The following VEPH1 variants were observed in gnomAD, a reference collection of about 807,000 sequenced individuals.
VEPH1 encodes the protein ventricular zone-expressed PH domain-containing protein homolog 1.
Under a neutral mutation model 85.2 loss-of-function variants are expected in VEPH1, and 80 were observed. The observed-to-expected ratio is 0.94, with a 90% CI of 0.78 to 1.13. VEPH1 has a LOEUF of 1.13. Ranked by LOEUF, VEPH1 falls within the 50% of genes most tolerant of loss-of-function variation. The probability of loss-of-function intolerance (pLI) is 0.00; values close to 1 mark genes in which losing one functional copy is unlikely to be tolerated. For synonymous variants in VEPH1, 297 were observed against 348.0 expected, an observed-to-expected ratio of 0.85 and a Z score of 1.63; for missense variants, 955 against 980.5, an observed-to-expected ratio of 0.97 and a Z score of 0.35.
intron 5 of VEPH1, among the ~76,000 whole-genome samples, chr3:157,419,510 A>T (rs1732172252): frequency 6.6e-6 from 1 of 152,228 alleles, no homozygotes; most frequent in African/African-American, 2.4e-5. Context: ...AAGTGGGCAA[A>T]GAACGTGAAT....
At position 157,462,059 on chromosome 3, in the gene VEPH1, T is replaced by C. The variant is rs1262884239; in HGVS notation, c.355-1704A>G. Among the ~76,000 whole-genome samples, 6 of 147,918 alleles carry C rather than the reference T, an allele frequency of 4.1e-5. 1 individual carries two copies. Among genetic ancestry groups the C allele is most frequent in the Non-Finnish European group, 6.0e-5 (4 of 67,098 alleles). ...AAATGTATTTTATATATATAATATA[T>C]ATTATAAATATAAAAGTATTATTTA... is the stretch of plus-strand genomic sequence containing the variant. On this transcript the variant is annotated intron_variant, in intron 3 of 13. Coordinates refer to ENST00000362010, the MANE Select transcript of VEPH1 (RefSeq NM_001167912.2).
intron 3 of VEPH1, among the ~76,000 whole-genome samples, chr3:157,462,437 G>A (rs1735968299): frequency 2.0e-5 from 3 of 152,136 alleles, no homozygotes; most frequent in Admixed American, 1.3e-4. Context: ...GTTCTACGAA[G>A]GACAACGACA....
intron 6 of VEPH1, among the ~76,000 whole-genome samples, chr3:157,398,898 C>T (rs981203110): frequency 1.3e-5 from 2 of 152,046 alleles, no homozygotes; most frequent in Non-Finnish European, 2.9e-5. Flanking sequence ...TCAGGTCACT[C>T]AACAAATGGG....
At chr3:157,322,950 G>A (rs1721512438) in intron 9 of VEPH1, among the ~76,000 whole-genome samples, 1 of 152,274 alleles carries the variant, frequency 6.6e-6, no homozygotes, top group South Asian at 2.1e-4. Context: ...AATAAAGTAT[G>A]TTTTTGAAGT....
intron 5 of VEPH1, among the ~76,000 whole-genome samples, chr3:157,424,226 A>C (rs181639463): frequency 4.1e-4 from 63 of 152,284 alleles, no homozygotes; most frequent in South Asian, 1.0e-3. Flanking sequence ...ATTTTCTCTT[A>C]CTGCCACCAT....
intron 9 of VEPH1, among the ~76,000 whole-genome samples, chr3:157,320,443 A>G (rs1027300585): frequency 1.3e-5 from 2 of 152,184 alleles, no homozygotes; most frequent in African/African-American, 4.8e-5. Flanking sequence ...AAGCAATCAC[A>G]TAAACATAAA....
rs150253756 is a variant in VEPH1, at chr3:157,481,640, T to C, written c.139-11111A>G. On this transcript the variant is annotated intron_variant, in intron 2 of 13. Coordinates refer to ENST00000362010, the MANE Select transcript of VEPH1 (RefSeq NM_001167912.2). Reference sequence around the variant, plus strand: ...CCCACTTGTCAATTTTTGTTTTTGTTGCAATTGTGGTTGAGGACTTAGTCA... The same window carrying C: ...CCCACTTGTCAATTTTTGTTTTTGTCGCAATTGTGGTTGAGGACTTAGTCA... Among the ~76,000 whole-genome samples, 327 of 152,258 alleles carry C rather than the reference T, an allele frequency of 2.1e-3. 2 individuals carry two copies. Among genetic ancestry groups the C allele is most frequent in the African/African-American group, 7.5e-3 (312 of 41,546 alleles).
chr3:157,490,612 A>T (rs897893183), intron 2 of VEPH1, among the ~76,000 whole-genome samples: 1 of 152,162 alleles, frequency 6.6e-6, no homozygotes, highest in Non-Finnish European at 1.5e-5. Flanking sequence ...AAAATCTGAT[A>T]AAAGCAAGCA....
chr3:157,462,069 A>G (rs534129317), intron 3 of VEPH1, among the ~76,000 whole-genome samples: 109 of 147,980 alleles, frequency 7.4e-4, no homozygotes, highest in African/African-American at 2.6e-3. Context: ...TATTATAAAT[A>G]TAAAAGTATT....
intron 2 of VEPH1, chr3:157,493,327 G>A (rs1306326250): frequency 2.2e-6 from 1 of 455,766 alleles, no homozygotes; most frequent in Non-Finnish European, 4.4e-6. Flanking sequence ...ATTGATTACT[G>A]AGATCCAAGG....
At chr3:157,495,788 T>A (rs1241934244) in intron 1 of VEPH1, among the ~76,000 whole-genome samples, 1 of 152,216 alleles carries the variant, frequency 6.6e-6, no homozygotes, top group African/African-American at 2.4e-5. Context: ...CTTCTCTCCA[T>A]GTCACAAGGA....
chr3:157,373,486 T>C (rs981468414), intron 7 of VEPH1, among the ~76,000 whole-genome samples: 3 of 152,160 alleles, frequency 2.0e-5, no homozygotes, highest in African/African-American at 4.8e-5. Flanking sequence ...GAAAATGTCA[T>C]GCAAATGGCA....
rs142479996 is a variant in VEPH1 at position 157,260,651 on chromosome 3, T to C, written c.*483A>G. The C allele has an allele frequency of 1.0e-3, 155 of 152,662 alleles. 4 individuals carry two copies. In the South Asian group the frequency reaches 0.03, roughly 29 times the overall value. The allele number at this position is 152,662 out of a possible 1,614,324, so 9.5% of individuals were successfully genotyped here. A position where few individuals can be genotyped will look rare whatever the true frequency, so the allele number is the denominator to read the frequency against. ...ATTATATGTCTATAAGTAAGTTATA[T>C]GGTTTTTCTCAGTGTACATTAGTTC... On this transcript the variant is annotated 3_prime_UTR_variant, in exon 14 of 14. Transcript: ENST00000362010.
At chr3:157,261,398 G>C (rs1323390860) in intron 13 of VEPH1, 28 bp from the exon 14 acceptor site, 12 of 1,609,970 alleles carry the variant, frequency 7.5e-6, no homozygotes, top group Non-Finnish European at 1.0e-5. Flanking sequence ...AAAAGAACAT[G>C]GGCTGGCTGT....
At chr3:157,356,499 A>G (rs1725446973) in intron 9 of VEPH1, among the ~76,000 whole-genome samples, 1 of 152,224 alleles carries the variant, frequency 6.6e-6, no homozygotes, top group South Asian at 2.1e-4. Flanking sequence ...TTGGAAAAAT[A>G]TTTAAAAATC....
In VEPH1 at chr3:157,489,053, A is replaced by G. The variant is rs939561948; in HGVS notation, c.138+6159T>C. The G allele has an allele frequency of 4.0e-5, 18 of 452,040 alleles. 1 individual carries two copies. In the East Asian group the frequency reaches 1.1e-3, roughly 27 times the overall value. The allele number at this position is 452,040 out of a possible 1,614,324, so 28.0% of individuals were successfully genotyped here. ...TACATCCAGGATCATCTGAACACTT[A>G]CCACCACCACTGCTCCATGATGGTC... On this transcript the variant is annotated intron_variant, in intron 2 of 13. Coordinates refer to ENST00000362010, the MANE Select transcript of VEPH1 (RefSeq NM_001167912.2).
chr3:157,443,929 C>A (rs1009702131), intron 4 of VEPH1, among the ~76,000 whole-genome samples: 2 of 152,128 alleles, frequency 1.3e-5, no homozygotes, highest in African/African-American at 4.8e-5. Context: ...AAACAAACAC[C>A]AAACATGAAT....
At chr3:157,378,007 G>A (rs1409288036) in intron 7 of VEPH1, among the ~76,000 whole-genome samples, 1 of 151,986 alleles carries the variant, frequency 6.6e-6, no homozygotes, top group Admixed American at 6.6e-5. Flanking sequence ...GAGAATAGGT[G>A]AGCACTGGCC....
chr3:157,379,480 T>A (rs1198327073), intron 7 of VEPH1, among the ~76,000 whole-genome samples: 2 of 152,322 alleles, frequency 1.3e-5, no homozygotes, highest in South Asian at 4.1e-4. Flanking sequence ...GGTCAGTACA[T>A]CCCTTTTTCA....
Sources: allele counts gnomAD v4.1 joint callset (sites outside exome capture counted in the v4.1 genomes callset), GRCh38; gene constraint gnomAD v4.1.1; transcripts MANE v1.5; gene names NCBI Gene and HGNC (gene_info 2026-07-23, HGNC 2026-07-21).